The following DNAI7 variants were observed in gnomAD, a reference collection of about 807,000 sequenced individuals.
DNAI7 encodes the protein dynein axonemal intermediate chain 7, also known as cancer susceptibility 1.
In DNAI7, 78 loss-of-function variants were observed where a neutral mutation model predicts 86.6. The ratio of observed to expected loss-of-function variants is 0.90; its 90% CI spans 0.75 to 1.09. DNAI7 has a LOEUF of 1.09. DNAI7 is among the 50% of genes least tolerant of loss of function. The pLI, the probability that DNAI7 is intolerant of heterozygous loss-of-function variation, is 0.00. For missense variants in DNAI7, 753 were observed against 810.2 expected, an observed-to-expected ratio of 0.93 and a Z score of 0.86; for synonymous variants, 274 against 273.0, an observed-to-expected ratio of 1.00 and a Z score of -0.04.
At chr12:25,165,081 C>T (rs767655663) in intron 2 of DNAI7, among the ~76,000 whole-genome samples, 2 of 152,148 alleles carry the variant, frequency 1.3e-5, no homozygotes, top group Admixed American at 1.3e-4. Flanking sequence ...GCTCATTTGG[C>T]AGCAACCCTG....
chr12:25,143,195 A>T (rs997301599), intron 9 of DNAI7, among the ~76,000 whole-genome samples: 4 of 151,246 alleles, frequency 2.6e-5, no homozygotes, highest in African/African-American at 9.7e-5. Context: ...ATTTTTTTAT[A>T]CTTAGCATTA....
At chr12:25,129,404 T>C (rs1015892540) in intron 9 of DNAI7, among the ~76,000 whole-genome samples, 9 of 152,166 alleles carry the variant, frequency 5.9e-5, no homozygotes, top group African/African-American at 2.2e-4. Flanking sequence ...AGGCGTATGA[T>C]AAATATTCAG....
At chr12:25,121,946 G>T in intron 10 of DNAI7, 33 bp from the exon 11 acceptor site, 2 of 1,435,592 alleles carry the variant, frequency 1.4e-6, no homozygotes, top group East Asian at 2.5e-5. Flanking sequence ...TTTTCAAATA[G>T]ATTACAGTTT....
intron 3 of DNAI7, 138 bp downstream of exon 3, chr12:25,160,974 TA>T (rs1946778398): frequency 1.7e-6 from 1 of 588,256 alleles, no homozygotes; most frequent in Non-Finnish European, 3.0e-6. Flanking sequence ...GGATACTTTC[TA>T]AAAGATAGAT....
chr12:25,146,789 T>G (rs1023682406), intron 8 of DNAI7, among the ~76,000 whole-genome samples: 7 of 152,184 alleles, frequency 4.6e-5, no homozygotes, highest in African/African-American at 1.7e-4. Flanking sequence ...AGTGACACAA[T>G]CATCATTTTA....
At chr12:25,120,905 T>C (rs1322461776) in intron 11 of DNAI7, among the ~76,000 whole-genome samples, 2 of 152,154 alleles carry the variant, frequency 1.3e-5, no homozygotes, top group Non-Finnish European at 2.9e-5. Context: ...AACTTCAATA[T>C]GCATAGGAGT....
chr12:25,140,245 A>T lies in DNAI7; in HGVS notation c.1002+4120T>A, dbSNP rs547302723. Among the ~76,000 whole-genome samples, 464 of 149,296 alleles carry T rather than the reference A, an allele frequency of 3.1e-3. 4 individuals are homozygous for T. Among genetic ancestry groups the T allele is most frequent in the Non-Finnish European group, 3.7e-3 (245 of 66,994 alleles). On this transcript the variant is annotated intron_variant, in intron 9 of 15. Transcript: ENST00000395987. Reference sequence around the variant, plus strand: ...AAGGGCATCCAAATCAGTAAAGAAGAAGTCAAACTCTCATTGTTTGCTGAT... The same window carrying T: ...AAGGGCATCCAAATCAGTAAAGAAGTAGTCAAACTCTCATTGTTTGCTGAT...
chr12:25,129,251 G>C (rs1942546389), intron 9 of DNAI7, among the ~76,000 whole-genome samples: 1 of 152,180 alleles, frequency 6.6e-6, no homozygotes, highest in Non-Finnish European at 1.5e-5. Flanking sequence ...TTTGGTGCAT[G>C]AATGATTACT....
intron 2 of DNAI7, among the ~76,000 whole-genome samples, chr12:25,184,109 T>C (rs1029963788): frequency 1.3e-5 from 2 of 152,232 alleles, no homozygotes; most frequent in African/African-American, 2.4e-5. Flanking sequence ...TTTTTAACAA[T>C]AGTTTTATTG....
At chr12:25,188,794 T>C (rs906437180) in intron 2 of DNAI7, among the ~76,000 whole-genome samples, 5 of 152,110 alleles carry the variant, frequency 3.3e-5, no homozygotes, top group African/African-American at 1.2e-4. Flanking sequence ...AGCCCACCCA[T>C]GTATATCATG....
chr12:25,150,159 T>C (rs900209986), intron 6 of DNAI7, among the ~76,000 whole-genome samples: 3 of 152,212 alleles, frequency 2.0e-5, no homozygotes, highest in African/African-American at 7.2e-5. Flanking sequence ...AGATCCTCAA[T>C]GGCTACCTAA....
At position 25,108,470 on chromosome 12, in the gene DNAI7, A is replaced by T. The variant is rs572309992; in HGVS notation, c.*78T>A. The T allele has an allele frequency of 4.4e-5, 54 of 1,227,520 alleles. No homozygotes were observed. In the South Asian group the frequency reaches 8.7e-4, roughly 20 times the overall value. 76.0% of individuals were successfully genotyped at this position (1,227,520 alleles called of 1,614,324 possible). ...TGATTTGAAATGTATTCATTCACTC[A>T]TTACATTGTGTTGCAGAAATACCTG... On this transcript the variant is annotated 3_prime_UTR_variant, in exon 16 of 16. Coordinates refer to ENST00000395987, the MANE Select transcript of DNAI7 (RefSeq NM_018272.5).
At chr12:25,181,320 T>C (rs2141280643) in intron 2 of DNAI7, among the ~76,000 whole-genome samples, 1 of 152,238 alleles carries the variant, frequency 6.6e-6, no homozygotes, top group Admixed American at 6.5e-5. Flanking sequence ...GGTCTCACTA[T>C]GTTTCCCAGG....
intron 2 of DNAI7, among the ~76,000 whole-genome samples, chr12:25,176,998 G>A (rs559326900): frequency 6.6e-6 from 1 of 150,382 alleles, no homozygotes; most frequent in African/African-American, 2.5e-5. Context: ...CACCTCCCAG[G>A]TTCAAGCAAT....
intron 9 of DNAI7, among the ~76,000 whole-genome samples, chr12:25,135,573 G>A (rs969282722): frequency 6.6e-6 from 1 of 152,280 alleles, no homozygotes; most frequent in Admixed American, 6.5e-5. Context: ...CAAAAGCCCT[G>A]TTTACTTTCT....
In DNAI7 at chr12:25,144,628, T is replaced by C; in HGVS notation, c.739A>G (p.Arg247Gly). 6.2e-7 allele frequency: 1 copy of C among 1,614,008 alleles called. No homozygotes were observed. Among genetic ancestry groups the C allele is most frequent in the Non-Finnish European group, 8.5e-7 (1 of 1,179,940 alleles). Reference sequence around the variant, plus strand: ...GCAATGTCACTTGTTGCTAATATCCTTGGAATCTCAAATCCAATTTGTGTT... The same window carrying C: ...GCAATGTCACTTGTTGCTAATATCCCTGGAATCTCAAATCCAATTTGTGTT... ...SETQIGFEIP[R>G]ILATSDIAVR... The change falls in exon 9 of 16, where the codon AGG becomes GGG. Residue 247 changes from arginine to glycine, a missense_variant. By Grantham distance (125) the Arg-to-Gly change is moderately radical. Transcript: ENST00000395987.
At chr12:25,136,171 T>C (rs1378712818) in intron 9 of DNAI7, among the ~76,000 whole-genome samples, 1 of 152,208 alleles carries the variant, frequency 6.6e-6, no homozygotes, top group Non-Finnish European at 1.5e-5. Flanking sequence ...ATTCCCCTGC[T>C]ACCTCCACTA....
intron 2 of DNAI7, among the ~76,000 whole-genome samples, chr12:25,185,429 T>G (rs148130386): frequency 1.3e-5 from 2 of 152,348 alleles, no homozygotes; most frequent in Non-Finnish European, 2.9e-5. Context: ...ACCAAAATCT[T>G]AAAGCTGCAG....
Position 25,121,994 on chromosome 12 carries a change from C to G in DNAI7, c.1079-81G>C, listed in dbSNP as rs1050197549. On this transcript the variant is annotated intron_variant, in intron 10 of 15. Transcript: ENST00000395987. ...GGAAAGAAATTTAAAAATTCTCATA[C>G]TGGTAAAGGAAGTTTCTATTCAACC... 2.7e-5 allele frequency: 26 copies of G among 976,024 alleles called. No homozygotes were observed. In the African/African-American group the frequency reaches 4.1e-4, roughly 15 times the overall value. 60.5% of individuals were successfully genotyped at this position (976,024 alleles called of 1,614,324 possible).
Sources: allele counts gnomAD v4.1 joint callset (sites outside exome capture counted in the v4.1 genomes callset), GRCh38; gene constraint gnomAD v4.1.1; transcripts MANE v1.5; gene names NCBI Gene and HGNC (gene_info 2026-07-23, HGNC 2026-07-21).